The following HIVEP3 variants were observed in gnomAD, a reference collection of about 807,000 sequenced individuals.
HIVEP3 encodes transcription factor HIVEP3.
In HIVEP3, 49 loss-of-function variants were observed where a neutral mutation model predicts 152.8. That is an observed-to-expected ratio of 0.32 (90% CI 0.26 to 0.41). The LOEUF is 0.41. Ranked by LOEUF, HIVEP3 falls within the 10% of genes least tolerant of loss-of-function variation. HIVEP3 has a pLI of 1.00. For missense variants in HIVEP3, 2,790 were observed against 3,103.3 expected (o/e 0.90, Z 2.40); for synonymous variants, 1,269 against 1,289.0 (o/e 0.98, Z 0.33).
intron 2 of HIVEP3, among the ~76,000 whole-genome samples, chr1:41,651,271 C>T (rs1645544482): frequency 6.6e-6 from 1 of 152,018 alleles, no homozygotes; most frequent in African/African-American, 2.4e-5. Flanking sequence ...ATTAGCTGGG[C>T]ATGGTGGCAC....
At chr1:41,885,084 T>C (rs1297918380) in intron 1 of HIVEP3, among the ~76,000 whole-genome samples, 1 of 152,182 alleles carries the variant, frequency 6.6e-6, no homozygotes, top group Non-Finnish European at 1.5e-5. Flanking sequence ...CTGAGAACCA[T>C]GTTCCAGTCT....
At chr1:41,967,508 G>C (rs1186053939) in intron 1 of HIVEP3, among the ~76,000 whole-genome samples, 2 of 152,202 alleles carry the variant, frequency 1.3e-5, no homozygotes, top group African/African-American at 4.8e-5. Context: ...TGAGAACAAA[G>C]AGACAATGTA....
Position 41,754,615 on chromosome 1 carries a change from T to C in HIVEP3, c.-800-53620A>G, listed in dbSNP as rs1473555377. On this transcript the variant is annotated intron_variant, in intron 1 of 8. Transcript: ENST00000372583. The stretch of plus-strand genomic sequence containing the variant: ...CAAGGAAGAGAGGGTGCAATATACC[T>C]TCAGAGGGAAAAAGGAGTCAGCAGG... 2.6e-5 allele frequency among the ~76,000 whole-genome samples: 4 copies of C among 152,170 alleles called. No individual in the cohort carries two copies. In the East Asian group the frequency reaches 7.7e-4, roughly 29 times the overall value.
intron 1 of HIVEP3, among the ~76,000 whole-genome samples, chr1:41,843,281 C>A (rs1643342611): frequency 1.3e-5 from 2 of 152,142 alleles, no homozygotes; most frequent in African/African-American, 4.8e-5. Flanking sequence ...TTTCTCTCTA[C>A]AACAGTTGAT....
chr1:41,950,315 C>T (rs1399458899), intron 1 of HIVEP3, among the ~76,000 whole-genome samples: 5 of 151,684 alleles, frequency 3.3e-5, no homozygotes, highest in African/African-American at 4.9e-5. Flanking sequence ...AACTGCAAAA[C>T]AAAACAAAAC....
At chr1:41,880,434 A>G (rs143046669) in intron 1 of HIVEP3, among the ~76,000 whole-genome samples, 1 of 152,328 alleles carries the variant, frequency 6.6e-6, no homozygotes, top group African/African-American at 2.4e-5. Context: ...TGTGGTCAGC[A>G]TGACAACAAA....
chr1:41,608,552 C>T (rs1415840111), intron 3 of HIVEP3, among the ~76,000 whole-genome samples: 1 of 152,206 alleles, frequency 6.6e-6, no homozygotes, highest in Non-Finnish European at 1.5e-5. Context: ...ACTGCTAACC[C>T]ATTCCTTTTC....
chr1:41,638,256 G>GAGAGAGAAAGAAAGAAAGAAAGAA (rs1553241158), intron 2 of HIVEP3, among the ~76,000 whole-genome samples: 41 of 120,904 alleles, frequency 3.4e-4, no homozygotes, highest in African/African-American at 1.4e-3. Context: ...AAGAAAGAGA[G>GAGAGAGAAAGAAAGAAAGAAAGAA]AGAAAGAAAG....
At chr1:41,550,744 G>A (rs2149080948) in intron 5 of HIVEP3, among the ~76,000 whole-genome samples, 1 of 152,342 alleles carries the variant, frequency 6.6e-6, no homozygotes, top group Admixed American at 6.5e-5. Context: ...AGACTTTGCT[G>A]AAGTTGCTTA....
chr1:41,640,958 G>A (rs1645363203), intron 2 of HIVEP3, among the ~76,000 whole-genome samples: 1 of 152,218 alleles, frequency 6.6e-6, no homozygotes, highest in Non-Finnish European at 1.5e-5. Flanking sequence ...GACCACCTGT[G>A]AGTCTGTTTC....
At chr1:41,884,158 G>A (rs867956756) in intron 1 of HIVEP3, among the ~76,000 whole-genome samples, 9 of 152,118 alleles carry the variant, frequency 5.9e-5, no homozygotes, top group South Asian at 4.1e-4. Context: ...TAGAGATGGG[G>A]TTTCATCACG....
At chr1:42,003,577 G>A (rs1645440861) in intron 1 of HIVEP3, among the ~76,000 whole-genome samples, 1 of 152,134 alleles carries the variant, frequency 6.6e-6, no homozygotes, top group Non-Finnish European at 1.5e-5. Flanking sequence ...TTGGGAGCAA[G>A]TCCCCCAGGC....
chr1:41,673,021 A>T (rs768945268), intron 2 of HIVEP3, among the ~76,000 whole-genome samples: 22 of 152,274 alleles, frequency 1.4e-4, no homozygotes, highest in Non-Finnish European at 1.2e-4. Context: ...ATGTAAAGCC[A>T]GGCCACATTT....
chr1:41,550,560 C>A (rs1158176008), intron 5 of HIVEP3, among the ~76,000 whole-genome samples: 1 of 152,086 alleles, frequency 6.6e-6, no homozygotes, highest in East Asian at 1.9e-4. Context: ...GCAGTGGTTT[C>A]TTTGTAGGTC....
Position 41,510,723 on chromosome 1 carries a change from G to A in HIVEP3, c.6949C>T (p.Arg2317Trp), listed in dbSNP as rs369970108. ...SPCTPPDTLP[R>W]PPQGRRAAQS... is the part of the protein sequence containing the mutation. ...GCTGCCCGGCGTCCCTGGGGCGGCC[G>A]GGGCAAGGTGTCGGGTGGGGTGCAG... The change falls in exon 9 of 9, where the codon CGG (arginine) becomes TGG (tryptophan). Residue 2317 changes from arginine (R) to tryptophan (W), a missense_variant. Around this residue, in one of 9 missense-constraint regions of HIVEP3, gnomAD observed 816 missense variants for 806.5 expected, o/e 1.01. Coordinates refer to ENST00000372583, the MANE Select transcript of HIVEP3 (RefSeq NM_024503.5). 108 of 1,541,490 alleles carry A rather than the reference G, an allele frequency of 7.0e-5. No individual in the cohort carries two copies. Among genetic ancestry groups the A allele is most frequent in the South Asian group, 1.9e-4 (16 of 82,932 alleles).
At chr1:41,807,576 C>T (rs1448672885) in intron 1 of HIVEP3, among the ~76,000 whole-genome samples, 2 of 152,092 alleles carry the variant, frequency 1.3e-5, no homozygotes, top group Non-Finnish European at 2.9e-5. Flanking sequence ...AAATGGGAGG[C>T]GATTTTCCCA....
At chr1:41,747,052 G>A (rs1272865636) in intron 1 of HIVEP3, among the ~76,000 whole-genome samples, 3 of 152,200 alleles carry the variant, frequency 2.0e-5, no homozygotes, top group East Asian at 1.9e-4. Context: ...CTCCCATTTT[G>A]CAGATGAGGA....
At chr1:41,825,665 G>C (rs1202874709) in intron 1 of HIVEP3, among the ~76,000 whole-genome samples, 1 of 152,020 alleles carries the variant, frequency 6.6e-6, no homozygotes, top group Admixed American at 6.5e-5. Context: ...GAGTGCGGTA[G>C]TGTGATCACA....
At chr1:41,659,721 A>G (rs1422639911) in intron 2 of HIVEP3, among the ~76,000 whole-genome samples, 1 of 152,254 alleles carries the variant, frequency 6.6e-6, no homozygotes, top group Non-Finnish European at 1.5e-5. Flanking sequence ...CATGCAACCA[A>G]GCAATAGTCG....
Sources: allele counts gnomAD v4.1 joint callset (sites outside exome capture counted in the v4.1 genomes callset), GRCh38; gene constraint gnomAD v4.1.1; regional missense constraint gnomAD v4.1.1; transcripts MANE v1.5; gene names NCBI Gene and HGNC (gene_info 2026-07-23, HGNC 2026-07-21).